ITSN2: variants seen among roughly 807,000 people sequenced by gnomAD.
ITSN2 encodes intersectin 2.
ITSN2 carries 156 observed loss-of-function variants against 243.7 expected under a neutral mutation model. The ratio of observed to expected loss-of-function variants is 0.64; its 90% CI spans 0.56 to 0.73. The LOEUF (loss-of-function observed/expected upper bound fraction) is 0.73, where lower values mean the gene tolerates loss of function less well. Among genes scored for constraint, ITSN2 ranks in the 30% least tolerant of loss-of-function variants. The probability of loss-of-function intolerance (pLI) is 0.00; values close to 1 mark genes in which losing one functional copy is unlikely to be tolerated. For missense variants in ITSN2, 1,801 were observed against 1,996.1 expected (o/e 0.90, Z 1.86); for synonymous variants, 703 against 699.9 (o/e 1.00, Z -0.07).
At chr2:24,231,934 A>G (rs1671660404) in intron 29 of ITSN2, among the ~76,000 whole-genome samples, 1 of 152,258 alleles carries the variant, frequency 6.6e-6, no homozygotes, top group Non-Finnish European at 1.5e-5. Flanking sequence ...TTTTAACAGT[A>G]AATCTAGATG....
At chr2:24,260,424 A>C (rs1474470072) in intron 22 of ITSN2, among the ~76,000 whole-genome samples, 1 of 151,726 alleles carries the variant, frequency 6.6e-6, no homozygotes, top group Non-Finnish European at 1.5e-5. Flanking sequence ...GAGGCTAAAT[A>C]TACGTTAAAA....
chr2:24,283,094 T>G (rs1044753186), intron 17 of ITSN2, among the ~76,000 whole-genome samples: 1 of 152,080 alleles, frequency 6.6e-6, no homozygotes, highest in Non-Finnish European at 1.5e-5. Context: ...TGCTACTCAC[T>G]TAACCCTTCC....
Position 24,249,744 on chromosome 2 carries a change from C to CT in ITSN2, c.3121-863dup, listed in dbSNP as rs1435354807. On this transcript the variant is annotated intron_variant, in intron 25 of 39. Transcript: ENST00000355123. This position sits in a 1 kb window ranked among gnomAD's most constrained non-coding sequence, Gnocchi z 4.4. ...TAACTTGTCCAAGGTCACCCAGGCT[C>CT]TAAGTGTTACAGCTAAGAGTCAACC... Among the ~76,000 whole-genome samples, 1 of 152,202 alleles carries CT rather than the reference C, an allele frequency of 6.6e-6. No individual in the cohort carries two copies. The highest frequency in any genetic ancestry group is 1.5e-5 in the Non-Finnish European group (1 of 68,026).
chr2:24,299,894 A>G lies in ITSN2; in HGVS notation c.1344+15T>C. 1 of 1,572,208 alleles carries G rather than the reference A, an allele frequency of 6.4e-7. No homozygotes were observed. Among genetic ancestry groups the G allele is most frequent in the South Asian group, 1.2e-5 (1 of 84,636 alleles). ...TGTAATGATTTTCTTAAGAAGTAAA[A>G]AACTTAAAAATAACCTCTCGTCTTT... On this transcript the variant is annotated intron_variant, in intron 12 of 39. Coordinates refer to ENST00000355123, the MANE Select transcript of ITSN2 (RefSeq NM_006277.3).
Position 24,270,695 on chromosome 2 carries a change from ACTCAT to A in ITSN2, c.2326_2330del (p.Met776PhefsTer2). On this transcript the variant is annotated frameshift_variant, in exon 20 of 40. Transcript: ENST00000355123. LOFTEE classifies it high-confidence loss of function. ...CCTGAATTATATCTCCAGAATTAAA[ACTCAT>A]CTCATCATGGTTCCTTGCTTCAAAG... is the stretch of plus-strand genomic sequence containing the variant. 1 of 1,590,858 alleles carries A rather than the reference ACTCAT, an allele frequency of 6.3e-7. No individual in the cohort carries two copies.
rs1255225823 is a variant in ITSN2, at chr2:24,328,062, T to C, written c.21A>G (p.Thr7=). The change falls in exon 2 of 40, where the codon ACA becomes ACG. Residue 7 remains threonine (T), a synonymous_variant. Coordinates refer to ENST00000355123, the MANE Select transcript of ITSN2 (RefSeq NM_006277.3). The part of the protein sequence containing the change: MMAQFP[T]AMNGGPNMWA... ...CACAAAGCTGCTTACCATTCATAGC[T>C]GTGGGAAACTGAGCCATCATGGTCC... The C allele has an allele frequency of 1.2e-6, 2 of 1,613,718 alleles. No homozygotes were observed. The highest frequency in any genetic ancestry group is 1.7e-6 in the Non-Finnish European group (2 of 1,179,912).
At chr2:24,289,312 A>G (rs1234092530) in intron 15 of ITSN2, among the ~76,000 whole-genome samples, 1 of 152,178 alleles carries the variant, frequency 6.6e-6, no homozygotes, top group Non-Finnish European at 1.5e-5. Context: ...TTTCAGTTAC[A>G]GATCTTTCCC....
At chr2:24,306,659 C>G (rs1682579628) in intron 8 of ITSN2, among the ~76,000 whole-genome samples, 1 of 152,126 alleles carries the variant, frequency 6.6e-6, no homozygotes, top group Non-Finnish European at 1.5e-5. Flanking sequence ...AACTTTTGTT[C>G]AGTTGAAAAC....
rs1459710672 is a variant in ITSN2 at position 24,249,440 on chromosome 2, G to A, written c.3121-558C>T. ...ACTATTACTTCTGTTTCACTTTAAA[G>A]GATAAACTGGCCCAACCACATTTCC... On this transcript the variant is annotated intron_variant, in intron 25 of 39. Transcript: ENST00000355123. This position sits in a 1 kb window ranked among gnomAD's most constrained non-coding sequence, Gnocchi z 4.4. Among the ~76,000 whole-genome samples, 2 of 152,084 alleles carry A rather than the reference G, an allele frequency of 1.3e-5. No homozygotes were observed. Among genetic ancestry groups the A allele is most frequent in the African/African-American group, 4.8e-5 (2 of 41,404 alleles).
intron 17 of ITSN2, 50 bp downstream of exon 17, chr2:24,284,712 AT>A (rs769137578): frequency 9.7e-5 from 108 of 1,113,538 alleles, no homozygotes; most frequent in Non-Finnish European, 1.4e-4. Flanking sequence ...TTTTAAAAAA[AT>A]AAAACAGCAA....
intron 1 of ITSN2, chr2:24,330,770 A>AAT: frequency 2.2e-6 from 1 of 463,240 alleles, no homozygotes; most frequent in Non-Finnish European, 3.9e-6. Context: ...ATTTCATTTT[A>AAT]CTTTTTTTTT....
At chr2:24,205,768 C>T (rs1668802122) in intron 37 of ITSN2, 2 of 171,768 alleles carry the variant, frequency 1.2e-5, no homozygotes, top group Non-Finnish European at 1.3e-5. Context: ...GGTATTTGTG[C>T]AGCACTTAAT....
At chr2:24,324,815 T>C (rs959523160) in intron 2 of ITSN2, among the ~76,000 whole-genome samples, 4 of 131,232 alleles carry the variant, frequency 3.0e-5, no homozygotes, top group Non-Finnish European at 6.1e-5. Flanking sequence ...TTCATGCCAC[T>C]GTACTCCAGG....
chr2:24,252,212 G>C (rs1674431907), intron 25 of ITSN2, 133 bp downstream of exon 25: 2 of 690,208 alleles, frequency 2.9e-6, no homozygotes, highest in Non-Finnish European at 4.7e-6. Flanking sequence ...AAAGCAACCT[G>C]ATCAAAACCA....
chr2:24,320,747 AAAAC>A (rs1318586746), intron 2 of ITSN2, among the ~76,000 whole-genome samples: 2 of 151,738 alleles, frequency 1.3e-5, no homozygotes, highest in African/African-American at 4.8e-5. Context: ...AAAAAAAAAA[AAAAC>A]AAAAAAACAT....
At chr2:24,226,439 A>G (rs771066524) in intron 29 of ITSN2, among the ~76,000 whole-genome samples, 1 of 152,198 alleles carries the variant, frequency 6.6e-6, no homozygotes, top group Non-Finnish European at 1.5e-5. Flanking sequence ...TAAGTAATGA[A>G]TGGAAATGCT....
At chr2:24,224,259 T>C (rs1331136087) in intron 29 of ITSN2, among the ~76,000 whole-genome samples, 1 of 152,256 alleles carries the variant, frequency 6.6e-6, no homozygotes, top group East Asian at 1.9e-4. Context: ...CCACATTCCA[T>C]CTCTATTATT....
At chr2:24,324,743 C>T (rs559204017) in intron 2 of ITSN2, among the ~76,000 whole-genome samples, 22 of 149,498 alleles carry the variant, frequency 1.5e-4, no homozygotes, top group Non-Finnish European at 2.7e-4. Flanking sequence ...GTCCCAGTTA[C>T]TCTGGAGGCT....
intron 1 of ITSN2, among the ~76,000 whole-genome samples, chr2:24,341,412 G>T (rs1040503523): frequency 1.3e-5 from 2 of 152,154 alleles, no homozygotes; most frequent in African/African-American, 4.8e-5. Flanking sequence ...AGAAACAGAG[G>T]TTCAGAAACA....
Sources: gnomAD v4.1 joint callset for allele counts (sites outside exome capture counted in the v4.1 genomes callset) on GRCh38, gnomAD v4.1.1 for gene constraint, Gnocchi (gnomAD v3.1) non-coding constraint, MANE v1.5 for transcripts, NCBI Gene and HGNC (gene_info 2026-07-23, HGNC 2026-07-21) for gene names.